The following SZT2 variants were observed in gnomAD, a reference collection of about 807,000 sequenced individuals.
The protein encoded by SZT2 is KICSTOR complex protein SZT2.
SZT2 carries 216 observed loss-of-function variants against 404.2 expected under a neutral mutation model. That is an observed-to-expected ratio of 0.53 (90% CI 0.48 to 0.60). SZT2 has a LOEUF of 0.60. SZT2 is among the 20% of genes least tolerant of loss of function. The pLI is 0.00. For missense variants in SZT2, 3,857 were observed against 4,459.2 expected, an observed-to-expected ratio of 0.86 and a Z score of 3.85; for synonymous variants, 1,693 against 1,749.9, an observed-to-expected ratio of 0.97 and a Z score of 0.81.
rs146927083 is a variant in SZT2 at position 43,389,955 on chromosome 1, G to T, written c.-14G>T. On this transcript the variant is annotated 5_prime_UTR_variant, in exon 1 of 72. Transcript: ENST00000634258. Reference sequence around the variant, plus strand: ...CACCCTCACTGGCCCGGGCCGGCGCGGGAGGGCTGTGTGATGGCCTCGGAG... The same window carrying T: ...CACCCTCACTGGCCCGGGCCGGCGCTGGAGGGCTGTGTGATGGCCTCGGAG... 6.9e-7 allele frequency: 1 copy of T among 1,450,376 alleles called. No individual in the cohort carries two copies. Among genetic ancestry groups the T allele is most frequent in the Non-Finnish European group, 9.1e-7 (1 of 1,101,816 alleles). 89.8% of individuals were successfully genotyped at this position (1,450,376 alleles called of 1,614,324 possible). A position where few individuals can be genotyped will look rare whatever the true frequency, so the allele number is the denominator to read the frequency against.
At chr1:43,398,063 T>C (rs1649213812) in intron 1 of SZT2, among the ~76,000 whole-genome samples, 1 of 152,212 alleles carries the variant, frequency 6.6e-6, no homozygotes, top group Non-Finnish European at 1.5e-5. Flanking sequence ...ACCCTGGCCT[T>C]ACGTGGGCCA....
chr1:43,422,655 A>ACCCCCCCCT, intron 13 of SZT2, 23 bp downstream of exon 13: 1 of 1,095,026 alleles, frequency 9.1e-7, no homozygotes, highest in Non-Finnish European at 1.2e-6. Flanking sequence ...ATGTCCCTTC[A>ACCCCCCCCT]CCCCCCGCCC....
chr1:43,403,587 A>G lies in SZT2; in HGVS notation c.154-14A>G, dbSNP rs765819632. The G allele has an allele frequency of 1.2e-6, 2 of 1,604,262 alleles. No homozygotes were observed. The highest frequency in any genetic ancestry group is 1.3e-5 in the African/African-American group (1 of 74,732). ...TCGCTGATCCTTTCCTTTTCTTTCC[A>G]TCCTAATTTTCAGCTTCAGTCTGAA... On this transcript the variant is annotated splice_polypyrimidine_tract_variant and intron_variant, in intron 2 of 71. Transcript: ENST00000634258.
chr1:43,410,756 T>C (rs1206617423), intron 4 of SZT2, among the ~76,000 whole-genome samples: 1 of 152,016 alleles, frequency 6.6e-6, no homozygotes, highest in Non-Finnish European at 1.5e-5. Context: ...AATTTTAAAC[T>C]CACAAAACAA....
chr1:43,415,933 T>G (rs910679486), intron 5 of SZT2, 27 bp from the exon 6 acceptor site: 1 of 1,586,792 alleles, frequency 6.3e-7, no homozygotes, highest in African/African-American at 1.3e-5. Flanking sequence ...ATCTGCCCCA[T>G]TCTGTCTTTT....
Position 43,432,323 on chromosome 1 carries a change from A to G in SZT2, c.5326A>G (p.Ser1776Gly). The change falls in exon 37 of 72, where the codon AGT (serine) becomes GGT (glycine). Residue 1776 changes from serine (S) to glycine (G), a missense_variant. This residue lies in a region of SZT2 where 1,725 missense variants were observed against 1,881.0 expected (regional missense o/e 0.92). Coordinates refer to ENST00000634258, the MANE Select transcript of SZT2 (RefSeq NM_001365999.1). ...PGHVLLEDPD[S>G]GFFFVAAGQQ... ...CCATGTTCTTCTTGAAGACCCTGAC[A>G]GTGGCTTCTTCTTTGTGGCAGCTGG... 5 of 1,603,068 alleles carry G rather than the reference A, an allele frequency of 3.1e-6. No homozygotes were observed. Among genetic ancestry groups the G allele is most frequent in the Non-Finnish European group, 4.3e-6 (5 of 1,175,616 alleles).
Position 43,424,668 on chromosome 1 carries a change from A to G in SZT2, c.2472-116A>G. On this transcript the variant is annotated intron_variant, in intron 16 of 71. Coordinates refer to ENST00000634258, the MANE Select transcript of SZT2 (RefSeq NM_001365999.1). The surrounding 1 kb of genome is among the most constrained non-coding windows in gnomAD (Gnocchi z 4.1). ...GACCGCCAGTCTAAGCAGGGCCAGCAGCAGACTTGGCTCCTTGAGGACTGC... is the reference window on the plus strand; with the variant it reads ...GACCGCCAGTCTAAGCAGGGCCAGCGGCAGACTTGGCTCCTTGAGGACTGC... 2 of 953,338 alleles carry G rather than the reference A, an allele frequency of 2.1e-6. No individual in the cohort carries two copies. Among genetic ancestry groups the G allele is most frequent in the Non-Finnish European group, 3.2e-6 (2 of 618,764 alleles). The allele number at this position is 953,338 out of a possible 1,614,324, so 59.1% of individuals were successfully genotyped here.
At chr1:43,416,675 G>T in intron 7 of SZT2, 34 bp downstream of exon 7, 3 of 1,496,662 alleles carry the variant, frequency 2.0e-6, no homozygotes, top group Non-Finnish European at 1.8e-6. Flanking sequence ...AGAGAGATAT[G>T]GAATATCTCA....
Position 43,443,420 on chromosome 1 carries a change from C to T in SZT2, c.8568C>T (p.Phe2856=), listed in dbSNP as rs760466085. The part of the protein sequence containing the change: ...LVHYCATAML[F]DPAAWLHGPP... The stretch of plus-strand genomic sequence containing the variant: ...ATTACTGTGCAACAGCCATGCTCTT[C>T]GACCCAGCTGCCTGGCTGCATGGGC... The change falls in exon 61 of 72, where the codon TTC becomes TTT. Residue 2856 remains phenylalanine (F), a synonymous_variant. Coordinates refer to ENST00000634258, the MANE Select transcript of SZT2 (RefSeq NM_001365999.1). The T allele has an allele frequency of 1.7e-5, 27 of 1,614,082 alleles. No homozygotes were observed. The highest frequency in any genetic ancestry group is 3.3e-4 in the Middle Eastern group (2 of 6,084).
rs755843150 is a variant in SZT2 at position 43,450,176 on chromosome 1, G to C, written c.10155+5G>C. The C allele has an allele frequency of 2.5e-6, 4 of 1,613,992 alleles. No individual in the cohort carries two copies. The Admixed American group carries it at 5.0e-5, about 20-fold the overall frequency. On this transcript the variant is annotated splice_donor_5th_base_variant and intron_variant, in intron 71 of 71. Coordinates refer to ENST00000634258, the MANE Select transcript of SZT2 (RefSeq NM_001365999.1). This position sits in a 1 kb window ranked among gnomAD's most constrained non-coding sequence, Gnocchi z 4.3. Reference sequence around the variant, plus strand: ...GACTCCCACTTAGGAAAGACGGTAAGAACGAGTGGGGGGCTTTGTGTCAGC... The same window carrying C: ...GACTCCCACTTAGGAAAGACGGTAACAACGAGTGGGGGGCTTTGTGTCAGC...
chr1:43,410,788 ACAGG>A (rs1319562034), intron 4 of SZT2, among the ~76,000 whole-genome samples: 2 of 152,046 alleles, frequency 1.3e-5, no homozygotes, highest in Non-Finnish European at 2.9e-5. Context: ...TCATCTCACT[ACAGG>A]CCTTTGACAA....
Position 43,452,253 on chromosome 1 carries a change from C to T in SZT2, c.*1773C>T, listed in dbSNP as rs746353743. ...GCCTCAGGTTCTCCAGAAAAACGGC[C>T]TCCATCTCAGCCTTGACTGCTATTC... On this transcript the variant is annotated 3_prime_UTR_variant, in exon 72 of 72. Transcript: ENST00000634258. The T allele has an allele frequency of 2.5e-5, 41 of 1,614,006 alleles. No homozygotes were observed. The highest frequency in any genetic ancestry group is 3.3e-5 in the Non-Finnish European group (39 of 1,180,010).
Position 43,424,342 on chromosome 1 carries a change from A to C in SZT2, c.2381A>C (p.Tyr794Ser). The change falls in exon 16 of 72, where the codon TAC (tyrosine) becomes TCC (serine). Residue 794 changes from tyrosine to serine, a missense_variant. Physicochemically the swap from Tyr to Ser is moderately radical, Grantham distance 144. Coordinates refer to ENST00000634258, the MANE Select transcript of SZT2 (RefSeq NM_001365999.1). The surrounding 1 kb of genome is among the most constrained non-coding windows in gnomAD (Gnocchi z 4.1). Reference sequence around the variant, plus strand: ...CTGGCGTCACTGTCCCGCTACCTCTACCATCAGCGCTGGCTTTGGAGTGTC... The same window carrying C: ...CTGGCGTCACTGTCCCGCTACCTCTCCCATCAGCGCTGGCTTTGGAGTGTC... ...SSLASLSRYL[Y>S]HQRWLWSVPS... The C allele has an allele frequency of 6.3e-7, 1 of 1,598,044 alleles. No homozygotes were observed. Among genetic ancestry groups the C allele is most frequent in the Non-Finnish European group, 8.5e-7 (1 of 1,179,594 alleles).
chr1:43,434,644 C>A (rs1654277911), intron 41 of SZT2, among the ~76,000 whole-genome samples, 159 bp downstream of exon 41: 1 of 152,178 alleles, frequency 6.6e-6, no homozygotes, highest in South Asian at 2.1e-4. Flanking sequence ...CCCCCAGCTC[C>A]CTACAGCCTT....
In SZT2 at chr1:43,447,658, C is replaced by T. The variant is rs1249750072; in HGVS notation, c.9400C>T (p.Pro3134Ser). ...ATTGCGAATGGCCCGGCCAGGGGGC[C>T]CAGAACACAACGAGTATGCCCTGGT... ...KPLRMARPGG[P>S]EHNEYALVSA... The change falls in exon 67 of 72, where the codon CCA becomes TCA. Residue 3134 changes from proline (P) to serine (S), a missense_variant. By Grantham distance (74) the Pro-to-Ser change is moderately conservative. Coordinates refer to ENST00000634258, the MANE Select transcript of SZT2 (RefSeq NM_001365999.1). The T allele has an allele frequency of 6.2e-7, 1 of 1,614,052 alleles. No individual in the cohort carries two copies. Among genetic ancestry groups the T allele is most frequent in the Non-Finnish European group, 8.5e-7 (1 of 1,180,046 alleles).
chr1:43,390,231 A>G (rs1191641591), intron 1 of SZT2, among the ~76,000 whole-genome samples: 1 of 152,200 alleles, frequency 6.6e-6, no homozygotes, highest in Non-Finnish European at 1.5e-5. Flanking sequence ...TTGTTTACTG[A>G]CATGTCACCC....
chr1:43,453,274 G>T lies in SZT2; in HGVS notation c.*2794G>T. ...AAAGGACCAGGACCGCAGAGGCAGAGATAAACCAGTGGGCTCAGACTTCTG... is the reference window on the plus strand; with the variant it reads ...AAAGGACCAGGACCGCAGAGGCAGATATAAACCAGTGGGCTCAGACTTCTG... On this transcript the variant is annotated 3_prime_UTR_variant, in exon 72 of 72. Coordinates refer to ENST00000634258, the MANE Select transcript of SZT2 (RefSeq NM_001365999.1). 1.4e-6 allele frequency: 1 copy of T among 723,040 alleles called. No homozygotes were observed. 44.8% of individuals were successfully genotyped at this position (723,040 alleles called of 1,614,324 possible). A position where few individuals can be genotyped will look rare whatever the true frequency, so the allele number is the denominator to read the frequency against.
At chr1:43,440,108 G>A in intron 51 of SZT2, 60 bp downstream of exon 51, 1 of 1,599,800 alleles carries the variant, frequency 6.3e-7, no homozygotes, top group South Asian at 1.1e-5. Context: ...GCAGGACAGT[G>A]TGGCAGGTGA....
At position 43,403,283 on chromosome 1, in the gene SZT2, C is replaced by G. The variant is rs1363647233; in HGVS notation, c.134C>G (p.Ala45Gly). ...AGTCATCTGCACCAAACTGTGCAGG[C>G]CACACCCCAGGAGATGCTGGTGAGG... is the stretch of plus-strand genomic sequence containing the variant. ...FLSHLHQTVQ[A>G]TPQEMLLQSE... Residue 45 changes from alanine (A) to glycine (G), a missense_variant, in exon 2 of 72, where the codon GCC (alanine) becomes GGC (glycine). Ala to Gly is a moderately conservative substitution (Grantham distance 60, BLOSUM62 0). This residue lies in a region of SZT2 where 536 missense variants were observed against 637.4 expected (regional missense o/e 0.84). Transcript: ENST00000634258. The G allele has an allele frequency of 5.0e-6, 8 of 1,613,590 alleles. No homozygotes were observed. Among genetic ancestry groups the G allele is most frequent in the Non-Finnish European group, 6.8e-6 (8 of 1,180,020 alleles).
Sources: allele counts gnomAD v4.1 joint callset (sites outside exome capture counted in the v4.1 genomes callset), GRCh38; gene constraint gnomAD v4.1.1; regional missense constraint gnomAD v4.1.1; non-coding constraint Gnocchi (gnomAD v3.1); transcripts MANE v1.5; gene names NCBI Gene and HGNC (gene_info 2026-07-23, HGNC 2026-07-21).